MEI4: variants seen among roughly 807,000 people sequenced by gnomAD.
MEI4 encodes meiotic double-stranded break formation protein 4, also known as meiosis-specific protein MEI4.
In MEI4, 27 loss-of-function variants were observed where a neutral mutation model predicts 31.4. The ratio of observed to expected loss-of-function variants is 0.86; its 90% CI spans 0.63 to 1.19. MEI4 has a LOEUF of 1.19. Among genes scored for constraint, MEI4 ranks in the 50% most tolerant of loss-of-function variants. The pLI is 0.00. For missense variants in MEI4, 329 were observed against 398.9 expected (o/e 0.82, Z 1.49); for synonymous variants, 122 against 145.4 (o/e 0.84, Z 1.16).
At chr6:77,771,909 AACCTGC>A (rs1561982533) in intron 3 of MEI4, among the ~76,000 whole-genome samples, 1 of 152,046 alleles carries the variant, frequency 6.6e-6, no homozygotes, top group African/African-American at 2.4e-5. Context: ...TTATATAACA[AACCTGC>A]ACCTGTACCC....
intron 4 of MEI4, among the ~76,000 whole-genome samples, chr6:77,855,299 C>T (rs561399847): frequency 7.4e-4 from 112 of 151,924 alleles, no homozygotes; most frequent in East Asian, 6.2e-3. Context: ...GAGCCGAGAT[C>T]GTGCCACTGC....
intron 2 of MEI4, among the ~76,000 whole-genome samples, chr6:77,742,173 C>G (rs948026138): frequency 2.0e-5 from 3 of 151,962 alleles, no homozygotes; most frequent in Admixed American, 6.6e-5. Context: ...ATTTCTAGTT[C>G]TAGATCCCTG....
chr6:77,676,495 C>T (rs1217224045), intron 1 of MEI4, among the ~76,000 whole-genome samples: 2 of 151,898 alleles, frequency 1.3e-5, no homozygotes, highest in East Asian at 3.9e-4. Context: ...CCACTGCACT[C>T]CAGCCTGGGC....
rs936601435 is a variant in MEI4 at position 77,924,112 on chromosome 6, T to G, written c.*766T>G. Reference sequence around the variant, plus strand: ...ATCCATCTAAAAGTGAAATTTATAGTTATTTGGTGGAATTTTTCAGTTATA... The same window carrying G: ...ATCCATCTAAAAGTGAAATTTATAGGTATTTGGTGGAATTTTTCAGTTATA... On this transcript the variant is annotated 3_prime_UTR_variant, in exon 5 of 5. Coordinates refer to ENST00000684080, the MANE Select transcript of MEI4 (RefSeq NM_001322247.2). The G allele has an allele frequency of 6.6e-6, 1 of 151,818 alleles. No homozygotes were observed. Among genetic ancestry groups the G allele is most frequent in the Non-Finnish European group, 1.5e-5 (1 of 67,846 alleles). 9.4% of individuals were successfully genotyped at this position (151,818 alleles called of 1,614,324 possible).
At chr6:77,700,127 G>A (rs934350309) in intron 2 of MEI4, among the ~76,000 whole-genome samples, 1 of 152,224 alleles carries the variant, frequency 6.6e-6, no homozygotes, top group Admixed American at 6.5e-5. Flanking sequence ...AAAGTTGTCA[G>A]CAGGGATATT....
intron 1 of MEI4, among the ~76,000 whole-genome samples, chr6:77,689,449 G>A (rs1769117647): frequency 6.6e-6 from 1 of 151,996 alleles, no homozygotes; most frequent in Non-Finnish European, 1.5e-5. Flanking sequence ...TAAGCCATTT[G>A]TTAGATTGTA....
At chr6:77,892,010 A>C (rs1478588458) in intron 4 of MEI4, among the ~76,000 whole-genome samples, 1 of 152,222 alleles carries the variant, frequency 6.6e-6, no homozygotes, top group East Asian at 1.9e-4. Flanking sequence ...CAGGTTTGCC[A>C]GTTCTCTGGC....
chr6:77,706,423 T>C (rs1766334985), intron 2 of MEI4, among the ~76,000 whole-genome samples: 1 of 152,226 alleles, frequency 6.6e-6, no homozygotes, highest in Non-Finnish European at 1.5e-5. Context: ...ATTACATTTC[T>C]ATATGGCTGT....
chr6:77,679,128 C>T (rs1035682321), intron 1 of MEI4, among the ~76,000 whole-genome samples: 2 of 151,960 alleles, frequency 1.3e-5, no homozygotes, highest in African/African-American at 4.8e-5. Context: ...TAAGCTAAGG[C>T]TAATTTATCA....
intron 4 of MEI4, among the ~76,000 whole-genome samples, chr6:77,906,917 G>C (rs1766309263): frequency 6.6e-6 from 1 of 152,098 alleles, no homozygotes; most frequent in Non-Finnish European, 1.5e-5. Flanking sequence ...ATGCTCAAGA[G>C]ACCATGGCTT....
chr6:77,776,216 T>C (rs1768438252), intron 3 of MEI4, among the ~76,000 whole-genome samples: 1 of 151,996 alleles, frequency 6.6e-6, no homozygotes, highest in South Asian at 2.1e-4. Flanking sequence ...AAAGACTCTT[T>C]TTCTAAATAA....
intron 4 of MEI4, among the ~76,000 whole-genome samples, chr6:77,889,965 G>T (rs1386439796): frequency 1.3e-5 from 2 of 152,234 alleles, no homozygotes; most frequent in African/African-American, 4.8e-5. Context: ...GGGAACCTCT[G>T]CCTACATTTC....
chr6:77,884,206 GT>G, intron 4 of MEI4, among the ~76,000 whole-genome samples: 1 of 151,978 alleles, frequency 6.6e-6, no homozygotes, highest in Non-Finnish European at 1.5e-5. Context: ...GAGATTATTT[GT>G]TTTTGGTGTT....
At chr6:77,684,355 T>C (rs2127650255) in intron 1 of MEI4, among the ~76,000 whole-genome samples, 1 of 152,312 alleles carries the variant, frequency 6.6e-6, no homozygotes, top group African/African-American at 2.4e-5. Context: ...ATGCAGTTTC[T>C]GTCCCCTCAA....
chr6:77,713,325 G>A (rs1246504544), intron 2 of MEI4, among the ~76,000 whole-genome samples: 2 of 152,204 alleles, frequency 1.3e-5, no homozygotes, highest in African/African-American at 2.4e-5. Context: ...TTGATAATCT[G>A]ATGGTAAGTT....
intron 3 of MEI4, 128 bp downstream of exon 3, chr6:77,761,793 G>GA: frequency 3.9e-6 from 2 of 511,274 alleles, no homozygotes; most frequent in Non-Finnish European, 6.0e-6. Flanking sequence ...TTTTTCTGCA[G>GA]CTGTCTGCAG....
chr6:77,841,333 A>ATATATATAT, intron 4 of MEI4, among the ~76,000 whole-genome samples: 12 of 27,726 alleles, frequency 4.3e-4, no homozygotes, highest in South Asian at 1.2e-3. Flanking sequence ...ATATATATAT[A>ATATATATAT]TTTTTTTTTT....
In MEI4 at chr6:77,755,281, T is replaced by G. The variant is rs146053641; in HGVS notation, c.233-5849T>G. On this transcript the variant is annotated intron_variant, in intron 2 of 4. Coordinates refer to ENST00000684080, the MANE Select transcript of MEI4 (RefSeq NM_001322247.2). ...TGAGATCCACTCTAAAATGGTAAAT[T>G]AGTTCAAGGTGGACCTTATAAACAG... Among the ~76,000 whole-genome samples the G allele has an allele frequency of 1.4e-3, 213 of 152,288 alleles. 1 individual carries two copies. Among genetic ancestry groups the G allele is most frequent in the African/African-American group, 4.5e-3 (187 of 41,570 alleles).
intron 3 of MEI4, among the ~76,000 whole-genome samples, chr6:77,800,438 C>A (rs1769219337): frequency 6.6e-6 from 1 of 152,214 alleles, no homozygotes. Context: ...AAGTCATCTG[C>A]AAACAGGGAC....
Sources: gnomAD v4.1 joint callset for allele counts (sites outside exome capture counted in the v4.1 genomes callset) on GRCh38, gnomAD v4.1.1 for gene constraint, MANE v1.5 for transcripts, NCBI Gene and HGNC (gene_info 2026-07-23, HGNC 2026-07-21) for gene names.